Variants in TMEM222 observed in about 807,000 individuals in gnomAD.
TMEM222 encodes transmembrane protein 222.
TMEM222 carries 18 observed loss-of-function variants against 25.1 expected under a neutral mutation model. That is an observed-to-expected ratio of 0.72 (90% CI 0.50 to 1.06). TMEM222 has a LOEUF of 1.06. Ranked by LOEUF, TMEM222 falls within the 50% of genes least tolerant of loss-of-function variation. The probability of loss-of-function intolerance (pLI) is 0.00; values close to 1 mark genes in which losing one functional copy is unlikely to be tolerated. For missense variants in TMEM222, 296 were observed against 293.7 expected, an observed-to-expected ratio of 1.01 and a Z score of -0.06; for synonymous variants, 131 against 117.9, an observed-to-expected ratio of 1.11 and a Z score of -0.72.
intron 2 of TMEM222, among the ~76,000 whole-genome samples, chr1:27,331,854 C>T (rs1300278589): frequency 6.6e-6 from 1 of 152,272 alleles, no homozygotes; most frequent in Non-Finnish European, 1.5e-5. Context: ...TGATGCAGTG[C>T]TCTGTGCACT....
In TMEM222 at chr1:27,334,014, C is replaced by A. The variant is rs765278796; in HGVS notation, c.368C>A (p.Thr123Lys). The change falls in exon 4 of 6, where the codon ACG becomes AAG. Residue 123 changes from threonine (T) to lysine (K), a missense_variant. Thr to Lys is a moderately conservative substitution (Grantham distance 78). Coordinates refer to ENST00000374076, the MANE Select transcript of TMEM222 (RefSeq NM_032125.3). ...GCTAGCGGGCCCAACGCATGGGACA[C>A]GGCTGTGCACGACGCCTCTGAGGAG... ...VYASGPNAWD[T>K]AVHDASEEYK... 1.1e-5 allele frequency: 17 copies of A among 1,614,146 alleles called. No homozygotes were observed. Among genetic ancestry groups the A allele is most frequent in the Non-Finnish European group, 1.4e-5 (16 of 1,180,038 alleles).
At chr1:27,334,089 G>T in intron 4 of TMEM222, 35 bp downstream of exon 4, 1 of 1,614,022 alleles carries the variant, frequency 6.2e-7, no homozygotes, top group Middle Eastern at 1.6e-4. Context: ...CACTCCCCAG[G>T]TGGGGACCAG....
At chr1:27,327,674 C>A (rs1347293199) in intron 1 of TMEM222, among the ~76,000 whole-genome samples, 1 of 152,272 alleles carries the variant, frequency 6.6e-6, no homozygotes, top group Non-Finnish European at 1.5e-5. Flanking sequence ...CAGGCGTGAG[C>A]CACTGAGCCC....
At chr1:27,327,952 A>C (rs1368633710) in intron 1 of TMEM222, among the ~76,000 whole-genome samples, 1 of 152,264 alleles carries the variant, frequency 6.6e-6, no homozygotes, top group Non-Finnish European at 1.5e-5. Flanking sequence ...TTATTTAGTC[A>C]ACAAATATTT....
chr1:27,329,093 A>T (rs2014419491), intron 1 of TMEM222, among the ~76,000 whole-genome samples: 1 of 152,100 alleles, frequency 6.6e-6, no homozygotes, highest in Non-Finnish European at 1.5e-5. Context: ...ATTTCCTGGC[A>T]TACACCATGC....
intron 5 of TMEM222, 111 bp downstream of exon 5, chr1:27,334,392 G>A (rs890808886): frequency 6.6e-7 from 1 of 1,512,386 alleles, no homozygotes; most frequent in African/African-American, 1.4e-5. Context: ...AGTTGGAACA[G>A]ATGCCAGTTG....
Position 27,335,481 on chromosome 1 carries a change from C to T in TMEM222, c.*15C>T. The T allele has an allele frequency of 6.2e-7, 1 of 1,612,650 alleles. No homozygotes were observed. The highest frequency in any genetic ancestry group is 8.5e-7 in the Non-Finnish European group (1 of 1,178,746). On this transcript the variant is annotated 3_prime_UTR_variant, in exon 6 of 6. Transcript: ENST00000374076. ...ACCTCCGGTGATGGCTGCTCGGTGGCCCCACACCCACCAGGGTCCCGAGGA... is the reference window on the plus strand; with the variant it reads ...ACCTCCGGTGATGGCTGCTCGGTGGTCCCACACCCACCAGGGTCCCGAGGA...
chr1:27,334,403 G>C, intron 5 of TMEM222, 122 bp downstream of exon 5: 1 of 1,473,420 alleles, frequency 6.8e-7, no homozygotes, highest in Non-Finnish European at 9.2e-7. Flanking sequence ...ATGCCAGTTG[G>C]AGCCGTGGTG....
At chr1:27,332,405 G>A in intron 3 of TMEM222, 1 of 718,020 alleles carries the variant, frequency 1.4e-6, no homozygotes, top group Non-Finnish European at 2.6e-6. Context: ...CACACAGGAA[G>A]TGGCAGAGCT....
chr1:27,334,703 A>T, intron 5 of TMEM222: 1 of 1,361,654 alleles, frequency 7.3e-7, no homozygotes, highest in South Asian at 1.3e-5. Context: ...TGAGTCGCCC[A>T]TGGTCGCCAC....
At position 27,332,273 on chromosome 1, in the gene TMEM222, A is replaced by G. The variant is rs2014500200; in HGVS notation, c.311+172A>G. 43 of 742,896 alleles carry G rather than the reference A, an allele frequency of 5.8e-5. 1 individual carries two copies. The South Asian group carries it at 6.4e-4, about 11-fold the overall frequency. The allele number at this position is 742,896 out of a possible 1,614,324, so 46.0% of individuals were successfully genotyped here. On this transcript the variant is annotated intron_variant, in intron 3 of 5. Coordinates refer to ENST00000374076, the MANE Select transcript of TMEM222 (RefSeq NM_032125.3). Reference sequence around the variant, plus strand: ...CATGGCAACCCCATACAGAGTGTGTACCGCACCAGCCCCTGGCTAGGGCCT... The same window carrying G: ...CATGGCAACCCCATACAGAGTGTGTGCCGCACCAGCCCCTGGCTAGGGCCT...
At chr1:27,332,389 C>A in intron 3 of TMEM222, 1 of 717,778 alleles carries the variant, frequency 1.4e-6, no homozygotes, top group South Asian at 1.5e-5. Flanking sequence ...GGGACTTGGT[C>A]AAGGTCACAC....
chr1:27,334,098 A>AG, intron 4 of TMEM222, 44 bp downstream of exon 4: 1 of 1,613,724 alleles, frequency 6.2e-7, no homozygotes, highest in Non-Finnish European at 8.5e-7. Flanking sequence ...GGTGGGGACC[A>AG]GGGGGGAGGC....
At chr1:27,332,423 A>G (rs1397821713) in intron 3 of TMEM222, 1 of 717,948 alleles carries the variant, frequency 1.4e-6, no homozygotes, top group East Asian at 2.7e-5. Context: ...GCTGGGACCC[A>G]CACCCAGATC....
intron 3 of TMEM222, chr1:27,332,512 C>A (rs1196516035): frequency 1.4e-6 from 1 of 718,188 alleles, no homozygotes; most frequent in Non-Finnish European, 2.6e-6. Flanking sequence ...TTGTTTGGAG[C>A]TCTGCTGGAA....
Position 27,332,759 on chromosome 1 carries a change from G to T in TMEM222, c.311+658G>T, listed in dbSNP as rs1386233992. The T allele has an allele frequency of 7.4e-6, 4 of 538,638 alleles. No individual in the cohort carries two copies. In the Admixed American group the frequency reaches 1.3e-4, roughly 17 times the overall value. The allele number at this position is 538,638 out of a possible 1,614,324, so 33.4% of individuals were successfully genotyped here. ...CACAGCTGAGATGGCCTGGAGCAGG[G>T]CTTCCTGCTGCCCTCTCTGGCTTCC... On this transcript the variant is annotated intron_variant, in intron 3 of 5. Coordinates refer to ENST00000374076, the MANE Select transcript of TMEM222 (RefSeq NM_032125.3).
intron 1 of TMEM222, among the ~76,000 whole-genome samples, chr1:27,328,392 T>A (rs2014403424): frequency 6.6e-6 from 1 of 152,284 alleles, no homozygotes; most frequent in East Asian, 1.9e-4. Context: ...CGAAGTGTAT[T>A]ATAAGTGTAG....
intron 5 of TMEM222, 183 bp from the exon 6 acceptor site, chr1:27,335,196 T>A (rs1207665193): frequency 3.2e-6 from 2 of 617,326 alleles, no homozygotes; most frequent in African/African-American, 3.7e-5. Context: ...TAGCTGGTGA[T>A]CCCCCATAGT....
At chr1:27,329,372 C>T (rs1374264023) in intron 1 of TMEM222, among the ~76,000 whole-genome samples, 1 of 152,120 alleles carries the variant, frequency 6.6e-6, no homozygotes, top group African/African-American at 2.4e-5. Context: ...CCCCCTTGTG[C>T]CCTCCCAGTC....
Sources: allele counts gnomAD v4.1 joint callset (sites outside exome capture counted in the v4.1 genomes callset), GRCh38; gene constraint gnomAD v4.1.1; transcripts MANE v1.5; gene names NCBI Gene and HGNC (gene_info 2026-07-23, HGNC 2026-07-21).